Variants in NPHP4 observed in about 807,000 individuals in gnomAD.
The protein encoded by NPHP4 is nephrocystin-4.
Under a neutral mutation model 155.8 loss-of-function variants are expected in NPHP4, and 151 were observed. The ratio of observed to expected loss-of-function variants is 0.97; its 90% confidence interval spans 0.85 to 1.11. NPHP4 has a LOEUF of 1.11. Among genes scored for constraint, NPHP4 ranks in the 50% least tolerant of loss-of-function variants. NPHP4 has a pLI of 0.00. For missense variants in NPHP4, 1,956 were observed against 1,925.7 expected, an observed-to-expected ratio of 1.02 and a Z score of -0.29; for synonymous variants, 845 against 816.8, an observed-to-expected ratio of 1.03 and a Z score of -0.59.
At chr1:5,904,131 C>T (rs1026708735) in intron 16 of NPHP4, among the ~76,000 whole-genome samples, 2 of 152,150 alleles carry the variant, frequency 1.3e-5, no homozygotes, top group Non-Finnish European at 2.9e-5. Context: ...AAAGAAACAA[C>T]AGAGACAGGT....
intron 4 of NPHP4, among the ~76,000 whole-genome samples, chr1:5,968,067 C>T (rs1162701653): frequency 6.6e-6 from 1 of 151,958 alleles, no homozygotes; most frequent in Admixed American, 6.6e-5. Context: ...CTGCCAGGCA[C>T]CTGTGAAAAA....
intron 17 of NPHP4, chr1:5,888,252 C>A: frequency 2.4e-6 from 2 of 819,138 alleles, no homozygotes; most frequent in Non-Finnish European, 2.9e-6. Flanking sequence ...TCTGCCCGAA[C>A]GCCAACACTG....
At chr1:5,873,958 C>G (rs571326117) in intron 22 of NPHP4, 1 of 219,586 alleles carries the variant, frequency 4.6e-6, no homozygotes, top group South Asian at 6.3e-5. Context: ...GCCTCCTGCA[C>G]ACACACCTCA....
At chr1:5,897,432 G>A (rs754565445) in intron 16 of NPHP4, among the ~76,000 whole-genome samples, 2 of 152,200 alleles carry the variant, frequency 1.3e-5, no homozygotes, top group Admixed American at 6.5e-5. Flanking sequence ...TGACATTCGC[G>A]CCTCCTGAGG....
intron 11 of NPHP4, among the ~76,000 whole-genome samples, chr1:5,916,740 T>C (rs1379763070): frequency 2.0e-5 from 3 of 152,228 alleles, no homozygotes; most frequent in Non-Finnish European, 1.5e-5. Flanking sequence ...CCGGGTGCAG[T>C]GGCTCATGCC....
intron 2 of NPHP4, among the ~76,000 whole-genome samples, chr1:5,983,138 T>C (rs1654978371): frequency 6.6e-6 from 1 of 152,160 alleles, no homozygotes; most frequent in African/African-American, 2.4e-5. Flanking sequence ...CTATGAGTGT[T>C]CTGATCTATC....
intron 16 of NPHP4, among the ~76,000 whole-genome samples, chr1:5,903,015 A>T (rs962270842): frequency 1.3e-5 from 2 of 152,236 alleles, no homozygotes; most frequent in African/African-American, 2.4e-5. Context: ...GAGCTAAAAA[A>T]TATATATGAA....
chr1:5,920,331 G>A (rs888488103), intron 11 of NPHP4, among the ~76,000 whole-genome samples: 3 of 152,174 alleles, frequency 2.0e-5, no homozygotes, highest in Non-Finnish European at 4.4e-5. Context: ...AACATGCTGG[G>A]ATTATAGGCA....
At chr1:5,928,152 G>A (rs903154470) in intron 10 of NPHP4, among the ~76,000 whole-genome samples, 16 of 152,252 alleles carry the variant, frequency 1.1e-4, no homozygotes, top group African/African-American at 2.4e-4. Context: ...CCAGGGTGCA[G>A]GCCAGCCCCA....
At chr1:5,891,951 G>A (rs1570280642) in intron 16 of NPHP4, among the ~76,000 whole-genome samples, 1 of 152,256 alleles carries the variant, frequency 6.6e-6, no homozygotes, top group East Asian at 1.9e-4. Context: ...GGGGAGCGAA[G>A]AGTGCAGGGC....
chr1:5,865,540 TG>T (rs1033153459), intron 26 of NPHP4: 1 of 410,880 alleles, frequency 2.4e-6, no homozygotes, highest in Non-Finnish European at 4.4e-6. Context: ...GCAGCAGGGC[TG>T]CTTAGGAACC....
intron 2 of NPHP4, among the ~76,000 whole-genome samples, chr1:5,980,250 G>T (rs751122019): frequency 2.6e-5 from 4 of 152,150 alleles, no homozygotes; most frequent in African/African-American, 9.7e-5. Context: ...CCTACCCCTC[G>T]TCTTGGGAGC....
chr1:5,912,550 A>G (rs1394228388), intron 11 of NPHP4, among the ~76,000 whole-genome samples: 2 of 100,300 alleles, frequency 2.0e-5, no homozygotes, highest in African/African-American at 5.0e-5. Context: ...AAAAAAAAAA[A>G]AAAAAGAAAA....
chr1:5,926,001 A>G (rs1202013304), intron 11 of NPHP4, among the ~76,000 whole-genome samples: 1 of 152,152 alleles, frequency 6.6e-6, no homozygotes, highest in Admixed American at 6.5e-5. Context: ...AATGCATTCA[A>G]TTTTATCAAA....
chr1:5,971,703 G>A (rs541444748), intron 3 of NPHP4, among the ~76,000 whole-genome samples: 59 of 152,290 alleles, frequency 3.9e-4, no homozygotes, highest in Admixed American at 2.0e-3. Flanking sequence ...AGGAATACCT[G>A]TACACACATC....
At chr1:5,964,933 A>ATTTTTTTTTT (rs1327414741) in intron 5 of NPHP4, among the ~76,000 whole-genome samples, 10 of 23,772 alleles carry the variant, frequency 4.2e-4, no homozygotes, top group South Asian at 1.1e-3. Context: ...ATATATATAT[A>ATTTTTTTTTT]TATATATATT....
At chr1:5,871,696 G>A (rs1273527516) in intron 23 of NPHP4, among the ~76,000 whole-genome samples, 2 of 152,190 alleles carry the variant, frequency 1.3e-5, no homozygotes, top group Admixed American at 1.3e-4. Context: ...AGCCAGCATG[G>A]CCTCTGTGGG....
rs74049340 is a variant in NPHP4, at chr1:5,987,940, A to C, written c.-38-1613T>G. Among the ~76,000 whole-genome samples, 804 of 152,332 alleles carry C rather than the reference A, an allele frequency of 5.3e-3. 5 individuals carry two copies. The highest frequency in any genetic ancestry group is 0.017 in the Middle Eastern group (5 of 294). ...AGAATTAAGAACATTTGTATCCTCT[A>C]CCATGAGCCTACTAGCTTCACACTT... On this transcript the variant is annotated intron_variant, in intron 1 of 29. Transcript: ENST00000378156.
intron 7 of NPHP4, among the ~76,000 whole-genome samples, chr1:5,951,546 C>T (rs1169411522): frequency 6.6e-6 from 1 of 152,094 alleles, no homozygotes; most frequent in Non-Finnish European, 1.5e-5. Flanking sequence ...TCAGCAAAGG[C>T]GCAGGCAAGG....
Sources: gnomAD v4.1 joint callset for allele counts (sites outside exome capture counted in the v4.1 genomes callset) on GRCh38, gnomAD v4.1.1 for gene constraint, MANE v1.5 for transcripts, NCBI Gene and HGNC (gene_info 2026-07-23, HGNC 2026-07-21) for gene names.